DOCK11: variants seen among roughly 807,000 people sequenced by gnomAD.
DOCK11 encodes the protein dedicator of cytokinesis 11, also known as dedicator of cytokinesis protein 11.
In DOCK11, 70 loss-of-function variants were observed where a neutral mutation model predicts 169.1. The ratio of observed to expected loss-of-function variants is 0.41; its 90% confidence interval spans 0.34 to 0.51. The LOEUF is 0.51. DOCK11 is among the 20% of genes least tolerant of loss of function. DOCK11 has a pLI of 0.10. For missense variants in DOCK11, 1,166 were observed against 1,538.8 expected (o/e 0.76, Z 4.05); for synonymous variants, 529 against 541.3 (o/e 0.98, Z 0.32).
Position 118,495,852 on chromosome X carries a change from G to A in DOCK11, c.-120G>A. 3.7e-6 allele frequency: 1 copy of A among 269,355 alleles called. No individual in the cohort carries two copies. The highest frequency in any genetic ancestry group is 5.5e-6 in the Non-Finnish European group (1 of 181,542). The allele number at this position is 269,355 out of a possible 1,213,427, so 22.2% of individuals were successfully genotyped here. Reference sequence around the variant, plus strand: ...GCCGCCGCCGAGCTGCGATGTGGCCGGCCGGCCGGCGAGTAAACAGAGGGA... The same window carrying A: ...GCCGCCGCCGAGCTGCGATGTGGCCAGCCGGCCGGCGAGTAAACAGAGGGA... On this transcript the variant is annotated 5_prime_UTR_variant, in exon 1 of 53. Transcript: ENST00000276202.
intron 44 of DOCK11, among the ~76,000 whole-genome samples, chrX:118,659,426 T>C (rs1274653124): frequency 8.9e-6 from 1 of 112,130 alleles, no homozygotes; most frequent in Admixed American, 9.5e-5. Context: ...TGCATCCTTC[T>C]GTTGGGATAT....
At chrX:118,504,121 G>C (rs752823224) in intron 1 of DOCK11, among the ~76,000 whole-genome samples, 1 of 111,131 alleles carries the variant, frequency 9.0e-6, no homozygotes, top group East Asian at 2.8e-4. Context: ...TGGTTTCCCA[G>C]TCTTCACCCC....
intron 12 of DOCK11, among the ~76,000 whole-genome samples, chrX:118,576,326 G>C (rs2013444658): frequency 9.0e-6 from 1 of 111,220 alleles, no homozygotes; most frequent in African/African-American, 3.3e-5. Flanking sequence ...GGGAAACAAG[G>C]ACTGGGCCAT....
intron 44 of DOCK11, among the ~76,000 whole-genome samples, chrX:118,658,827 G>A (rs2016144163): frequency 9.0e-6 from 1 of 111,581 alleles, no homozygotes; most frequent in African/African-American, 3.3e-5. Context: ...CTAAGAGAGG[G>A]TACAACTGTT....
intron 48 of DOCK11, among the ~76,000 whole-genome samples, chrX:118,679,818 C>T (rs2016696074): frequency 9.1e-6 from 1 of 109,864 alleles, no homozygotes; most frequent in South Asian, 3.9e-4. Context: ...ACTGTTTAGT[C>T]TGACCTCAAT....
chrX:118,635,419 G>A (rs1328800679), intron 35 of DOCK11, among the ~76,000 whole-genome samples: 1 of 111,988 alleles, frequency 8.9e-6, no homozygotes, highest in Non-Finnish European at 1.9e-5. Context: ...AAGTAGGTGT[G>A]TTGGGGAAGA....
chrX:118,673,551 TAGC>T (rs1230158833), intron 46 of DOCK11, among the ~76,000 whole-genome samples: 1 of 112,036 alleles, frequency 8.9e-6, no homozygotes, highest in Non-Finnish European at 1.9e-5. Context: ...CTATCAGAGA[TAGC>T]AGCCAAAGTA....
chrX:118,631,378 G>A, intron 35 of DOCK11, among the ~76,000 whole-genome samples: 1 of 111,583 alleles, frequency 9.0e-6, no homozygotes, highest in Admixed American at 9.6e-5. Flanking sequence ...CTAGATATGA[G>A]TAAATTCTAA....
At chrX:118,684,519 C>A (rs2016817754) in intron 52 of DOCK11, among the ~76,000 whole-genome samples, 1 of 109,722 alleles carries the variant, frequency 9.1e-6, no homozygotes, top group South Asian at 3.9e-4. Context: ...CGTAATCCAC[C>A]CGCCTCGGCC....
intron 26 of DOCK11, 26 bp downstream of exon 26, chrX:118,608,382 A>G (rs762329431): frequency 3.4e-6 from 4 of 1,180,235 alleles, no homozygotes; most frequent in South Asian, 1.9e-5. Flanking sequence ...ACAACAAGGA[A>G]CAAAAGCAGC....
chrX:118,507,417 G>C (rs928574210), intron 1 of DOCK11, among the ~76,000 whole-genome samples: 2 of 108,816 alleles, frequency 1.8e-5, no homozygotes. Flanking sequence ...ACCCAGGCTG[G>C]AGTGCAGTGG....
intron 32 of DOCK11, 66 bp downstream of exon 32, chrX:118,624,721 C>A: frequency 1.8e-4 from 94 of 526,167 alleles, no homozygotes; most frequent in Non-Finnish European, 2.5e-4. Context: ...GAATTGGGGT[C>A]ATATGCTATA....
chrX:118,572,511 A>C, intron 11 of DOCK11, 48 bp downstream of exon 11: 1 of 1,106,715 alleles, frequency 9.0e-7, no homozygotes, highest in Non-Finnish European at 1.2e-6. Flanking sequence ...TGCATTAAAG[A>C]AATGTCTTTC....
At chrX:118,543,428 T>G in intron 3 of DOCK11, 83 bp from the exon 4 acceptor site, 1 of 784,383 alleles carries the variant, frequency 1.3e-6, no homozygotes, top group Admixed American at 2.5e-5. Flanking sequence ...AGAAAGCCTG[T>G]CGGCATAGTA....
intron 1 of DOCK11, among the ~76,000 whole-genome samples, chrX:118,512,594 A>G (rs924175177): frequency 8.9e-6 from 1 of 112,109 alleles, no homozygotes; most frequent in Non-Finnish European, 1.9e-5. Flanking sequence ...GCCATTCAGC[A>G]TATAGGATAG....
At chrX:118,673,345 G>A (rs1047091482) in intron 46 of DOCK11, among the ~76,000 whole-genome samples, 10 of 111,603 alleles carry the variant, frequency 9.0e-5, no homozygotes, top group Middle Eastern at 4.6e-3. Context: ...TGGTATACAC[G>A]CCTGTGATTC....
chrX:118,517,579 A>G (rs1319820374), intron 1 of DOCK11, among the ~76,000 whole-genome samples: 1 of 110,615 alleles, frequency 9.0e-6, no homozygotes, highest in Non-Finnish European at 1.9e-5. Flanking sequence ...TGTGACACGC[A>G]TGTGTGTGCA....
At chrX:118,631,809 G>C (rs761255041) in intron 35 of DOCK11, among the ~76,000 whole-genome samples, 5 of 111,109 alleles carry the variant, frequency 4.5e-5, no homozygotes, top group African/African-American at 1.6e-4. Flanking sequence ...GAGAAGGTAG[G>C]AGGAGGGGAA....
intron 7 of DOCK11, among the ~76,000 whole-genome samples, chrX:118,563,365 G>A (rs2012971850): frequency 9.0e-6 from 1 of 111,047 alleles, no homozygotes; most frequent in Non-Finnish European, 1.9e-5. Context: ...CATTGCTTGG[G>A]CCCAGGAGTT....
Sources: allele counts gnomAD v4.1 joint callset (sites outside exome capture counted in the v4.1 genomes callset), GRCh38; gene constraint gnomAD v4.1.1; transcripts MANE v1.5; gene names NCBI Gene and HGNC (gene_info 2026-07-23, HGNC 2026-07-21).